The following DNAJC6 variants were observed in gnomAD, a reference collection of about 807,000 sequenced individuals.
DNAJC6 encodes the protein auxilin.
Under a neutral mutation model 110.0 loss-of-function variants are expected in DNAJC6, and 34 were observed. The ratio of observed to expected loss-of-function variants is 0.31; its 90% CI spans 0.24 to 0.41. The LOEUF (loss-of-function observed/expected upper bound fraction) is 0.41, where lower values mean the gene tolerates loss of function less well. Ranked by LOEUF, DNAJC6 falls within the 10% of genes least tolerant of loss-of-function variation. The pLI, the probability that DNAJC6 is intolerant of heterozygous loss-of-function variation, is 1.00. For synonymous variants in DNAJC6, 406 were observed against 437.2 expected, an observed-to-expected ratio of 0.93 and a Z score of 0.89; for missense variants, 1,031 against 1,207.8, an observed-to-expected ratio of 0.85 and a Z score of 2.17.
chr1:65,396,117 C>A (rs952035133), intron 13 of DNAJC6, among the ~76,000 whole-genome samples: 2 of 152,152 alleles, frequency 1.3e-5, no homozygotes, highest in African/African-American at 4.8e-5. Flanking sequence ...CCAGGAACAA[C>A]TTTTGTGGTT....
chr1:65,389,445 A>G lies in DNAJC6; in HGVS notation c.1383A>G (p.Leu461=). ...AGGAACATCAAGATACGCTGGCCTT[A>G]GGAGGTATGAGTCACCTGATGGTTT... is the stretch of plus-strand genomic sequence containing the variant. ...SHQEHQDTLA[L]GGQAPIDIPP... Residue 461 remains leucine, a synonymous_variant, in exon 10 of 19, where the codon TTA becomes TTG. Transcript: ENST00000371069. The G allele has an allele frequency of 6.2e-7, 1 of 1,613,996 alleles. No individual in the cohort carries two copies. The highest frequency in any genetic ancestry group is 8.5e-7 in the Non-Finnish European group (1 of 1,179,940).
intron 1 of DNAJC6, among the ~76,000 whole-genome samples, chr1:65,302,596 C>T (rs1398508860): frequency 2.3e-5 from 3 of 131,526 alleles, no homozygotes; most frequent in Admixed American, 1.8e-4. Flanking sequence ...ACTGCAGTGG[C>T]GCAATCTCGG....
intron 1 of DNAJC6, among the ~76,000 whole-genome samples, chr1:65,316,568 G>A (rs1230049581): frequency 6.6e-6 from 1 of 152,120 alleles, no homozygotes; most frequent in East Asian, 1.9e-4. Flanking sequence ...CATTTATTAG[G>A]AGCCTGATAA....
In DNAJC6 at chr1:65,379,282, T is replaced by C. The variant is rs1167919542; in HGVS notation, c.544-120T>C. ...TGCATTTGGACCCTGTTCCCACTAT[T>C]CCTATCTATATTAAGAGAGGATGTG... On this transcript the variant is annotated intron_variant, in intron 4 of 18. Transcript: ENST00000371069. 5.5e-6 allele frequency: 7 copies of C among 1,274,414 alleles called. No homozygotes were observed. The Admixed American group carries it at 1.6e-4, about 30-fold the overall frequency. The allele number at this position is 1,274,414 out of a possible 1,614,324, so 78.9% of individuals were successfully genotyped here. A position where few individuals can be genotyped will look rare whatever the true frequency, so the allele number is the denominator to read the frequency against.
chr1:65,360,304 A>T (rs552910588), intron 1 of DNAJC6, among the ~76,000 whole-genome samples: 190 of 152,324 alleles, frequency 1.2e-3, no homozygotes, highest in African/African-American at 4.4e-3. Flanking sequence ...AAGGTTACAG[A>T]TGGACTCTGG....
At chr1:65,313,273 C>T (rs1478793635) in intron 1 of DNAJC6, among the ~76,000 whole-genome samples, 1 of 150,118 alleles carries the variant, frequency 6.7e-6, no homozygotes, top group Admixed American at 6.7e-5. Flanking sequence ...GTTGCCCAGG[C>T]TGGTCTCAAA....
chr1:65,325,110 A>G (rs1186681708), intron 1 of DNAJC6, among the ~76,000 whole-genome samples: 1 of 152,094 alleles, frequency 6.6e-6, no homozygotes, highest in Admixed American at 6.5e-5. Context: ...GAAAGCATCT[A>G]AGTTATAAAA....
At chr1:65,385,946 A>G (rs1645867818) in intron 7 of DNAJC6, 40 bp downstream of exon 7, 1 of 1,490,578 alleles carries the variant, frequency 6.7e-7, no homozygotes, top group Non-Finnish European at 9.1e-7. Context: ...GTACTTCTCA[A>G]TTCTCATGTA....
At chr1:65,328,880 AC>A (rs1645263853) in intron 1 of DNAJC6, among the ~76,000 whole-genome samples, 1 of 152,028 alleles carries the variant, frequency 6.6e-6, no homozygotes, top group Admixed American at 6.5e-5. Context: ...GCCCCGTAAC[AC>A]CTTTGCCTTG....
chr1:65,319,006 C>T (rs1645172761), intron 1 of DNAJC6, among the ~76,000 whole-genome samples: 1 of 152,130 alleles, frequency 6.6e-6, no homozygotes, highest in Non-Finnish European at 1.5e-5. Context: ...TAGCTGATGA[C>T]CTGAGAAACA....
intron 1 of DNAJC6, among the ~76,000 whole-genome samples, chr1:65,294,776 A>T (rs115227763): frequency 1.3e-5 from 2 of 152,290 alleles, no homozygotes; most frequent in African/African-American, 2.4e-5. Flanking sequence ...GGCTGCTGGA[A>T]ATTAAAATAT....
intron 16 of DNAJC6, 79 bp downstream of exon 16, chr1:65,406,212 G>A: frequency 6.6e-7 from 1 of 1,518,934 alleles, no homozygotes; most frequent in Non-Finnish European, 8.9e-7. Context: ...CTCTCTGAAG[G>A]TGACAGTATT....
At chr1:65,286,248 CT>C (rs1000240878) in intron 1 of DNAJC6, among the ~76,000 whole-genome samples, 5 of 148,518 alleles carry the variant, frequency 3.4e-5, no homozygotes, top group African/African-American at 9.9e-5. Flanking sequence ...AGTAGTTATC[CT>C]TTTTTTTTTC....
At chr1:65,299,426 A>G (rs1180706834) in intron 1 of DNAJC6, among the ~76,000 whole-genome samples, 1 of 152,230 alleles carries the variant, frequency 6.6e-6, no homozygotes, top group Non-Finnish European at 1.5e-5. Context: ...TAACAGAGTC[A>G]GGGGTCCACA....
intron 1 of DNAJC6, among the ~76,000 whole-genome samples, chr1:65,271,243 A>G (rs1653496223): frequency 6.6e-6 from 1 of 152,146 alleles, no homozygotes; most frequent in African/African-American, 2.4e-5. Flanking sequence ...CACCTCAAAT[A>G]TTTATCATTT....
intron 4 of DNAJC6, among the ~76,000 whole-genome samples, chr1:65,376,759 ATTTATTTAT>A (rs1483499027): frequency 5.3e-5 from 8 of 151,176 alleles, no homozygotes; most frequent in African/African-American, 1.9e-4. Context: ...TATTTTATTT[ATTTATTTAT>A]TTTATTTATT....
intron 1 of DNAJC6, among the ~76,000 whole-genome samples, chr1:65,349,287 A>G (rs567657945): frequency 6.6e-6 from 1 of 151,734 alleles, no homozygotes; most frequent in South Asian, 2.1e-4. Context: ...TTTGTCATAT[A>G]TTTTTCATCT....
At chr1:65,266,539 G>T (rs1033936513) in intron 1 of DNAJC6, among the ~76,000 whole-genome samples, 1 of 152,188 alleles carries the variant, frequency 6.6e-6, no homozygotes, top group Admixed American at 6.5e-5. Flanking sequence ...TGCCTGGTAA[G>T]GGGGAAGAGG....
At chr1:65,361,016 G>A (rs1645591893) in intron 1 of DNAJC6, among the ~76,000 whole-genome samples, 1 of 152,190 alleles carries the variant, frequency 6.6e-6, no homozygotes, top group Admixed American at 6.5e-5. Flanking sequence ...TGAGCTGAGT[G>A]AAGATGTAGA....
Sources: gnomAD v4.1 joint callset for allele counts (sites outside exome capture counted in the v4.1 genomes callset) on GRCh38, gnomAD v4.1.1 for gene constraint, MANE v1.5 for transcripts, NCBI Gene and HGNC (gene_info 2026-07-23, HGNC 2026-07-21) for gene names.